SRBD1: variants seen among roughly 807,000 people sequenced by gnomAD.
The protein encoded by SRBD1 is S1 RNA-binding domain-containing protein 1.
Under a neutral mutation model 115.3 loss-of-function variants are expected in SRBD1, and 88 were observed. The observed-to-expected ratio is 0.76, with a 90% CI of 0.64 to 0.91. The LOEUF is 0.91. SRBD1 is among the 40% of genes least tolerant of loss of function. The probability of loss-of-function intolerance (pLI) is 0.00; values close to 1 mark genes in which losing one functional copy is unlikely to be tolerated. For missense variants in SRBD1, 1,385 were observed against 1,177.4 expected, an observed-to-expected ratio of 1.18 and a Z score of -2.58; for synonymous variants, 509 against 407.7, an observed-to-expected ratio of 1.25 and a Z score of -2.99.
intron 8 of SRBD1, 133 bp from the exon 9 acceptor site, chr2:45,573,475 G>T: frequency 9.9e-7 from 1 of 1,005,728 alleles, no homozygotes; most frequent in Non-Finnish European, 1.4e-6. Context: ...GCCCAGCTAT[G>T]AAATTGATAT....
intron 16 of SRBD1, among the ~76,000 whole-genome samples, chr2:45,422,387 C>G (rs978299996): frequency 6.6e-6 from 1 of 152,154 alleles, no homozygotes; most frequent in Non-Finnish European, 1.5e-5. Context: ...CCACCTCCCA[C>G]AGACAATGGT....
At chr2:45,453,269 A>G (rs76160705) in intron 16 of SRBD1, among the ~76,000 whole-genome samples, 1 of 53,690 alleles carries the variant, frequency 1.9e-5, no homozygotes, top group Admixed American at 1.4e-4. Flanking sequence ...TGCTATAAGG[A>G]AAAAAAAAAA....
chr2:45,410,996 T>C (rs1268311633), intron 19 of SRBD1, among the ~76,000 whole-genome samples: 1 of 152,184 alleles, frequency 6.6e-6, no homozygotes, highest in African/African-American at 2.4e-5. Flanking sequence ...TAAGTAGATG[T>C]TTCCCTGAGT....
At chr2:45,480,770 T>C (rs1439975160) in intron 15 of SRBD1, among the ~76,000 whole-genome samples, 2 of 152,092 alleles carry the variant, frequency 1.3e-5, no homozygotes, top group Non-Finnish European at 2.9e-5. Context: ...CTACTGAATG[T>C]AAAAGGCTAC....
At chr2:45,429,379 G>A (rs989673604) in intron 16 of SRBD1, among the ~76,000 whole-genome samples, 16 of 151,382 alleles carry the variant, frequency 1.1e-4, no homozygotes, top group African/African-American at 3.2e-4. Context: ...GATGAACATC[G>A]ATGCAAAAAT....
Position 45,585,726 on chromosome 2 carries a change from T to C in SRBD1, c.697A>G (p.Ile233Val), listed in dbSNP as rs1489179397. 2 of 1,611,850 alleles carry C rather than the reference T, an allele frequency of 1.2e-6. No homozygotes were observed. Among genetic ancestry groups the C allele is most frequent in the Admixed American group, 3.4e-5 (2 of 59,624 alleles). ...GTGTTATCATCATTAAAGAGACGAA[T>C]GATGTTGGCACAAACCCAAGGTTCA... ...NIEPWVCANI[I>V]RLFNDDNTIP... The change falls in exon 5 of 21, where the codon ATT becomes GTT. Residue 233 changes from isoleucine to valine, a missense_variant. Ile to Val is a conservative substitution (Grantham distance 29). Coordinates refer to ENST00000263736, the MANE Select transcript of SRBD1 (RefSeq NM_018079.5).
intron 11 of SRBD1, 32 bp downstream of exon 11, chr2:45,553,591 G>C (rs367688549): frequency 2.0e-4 from 281 of 1,412,666 alleles, no homozygotes; most frequent in Non-Finnish European, 2.6e-4. Context: ...ACAATAATCA[G>C]TACACAAAAT....
chr2:45,563,664 T>C (rs527757529), intron 9 of SRBD1, among the ~76,000 whole-genome samples: 41 of 152,098 alleles, frequency 2.7e-4, no homozygotes, highest in African/African-American at 8.9e-4. Context: ...TTATAAGAGA[T>C]ACCATGAGCA....
At chr2:45,554,106 G>T (rs150631155) in intron 10 of SRBD1, among the ~76,000 whole-genome samples, 119 of 152,256 alleles carry the variant, frequency 7.8e-4, no homozygotes, top group African/African-American at 2.8e-3. Flanking sequence ...TGAAGATGGG[G>T]CTTTTGGGGG....
intron 16 of SRBD1, among the ~76,000 whole-genome samples, chr2:45,473,344 G>A (rs1669707943): frequency 6.6e-6 from 1 of 151,962 alleles, no homozygotes; most frequent in Non-Finnish European, 1.5e-5. Flanking sequence ...GAACTGATCT[G>A]ATCTAGACTT....
intron 4 of SRBD1, among the ~76,000 whole-genome samples, chr2:45,590,259 C>T (rs973138000): frequency 1.3e-5 from 2 of 152,316 alleles, no homozygotes; most frequent in South Asian, 2.1e-4. Flanking sequence ...CATTCCTAGG[C>T]GTACGCTGAA....
chr2:45,490,786 T>C (rs1027450903), intron 14 of SRBD1, among the ~76,000 whole-genome samples: 1 of 152,108 alleles, frequency 6.6e-6, no homozygotes, highest in Non-Finnish European at 1.5e-5. Context: ...TTCCTCCAAA[T>C]ACCATACTGC....
intron 4 of SRBD1, among the ~76,000 whole-genome samples, chr2:45,587,907 T>C (rs1305657859): frequency 6.6e-6 from 1 of 152,188 alleles, no homozygotes; most frequent in African/African-American, 2.4e-5. Flanking sequence ...CTCCTCTACT[T>C]TTACCCATAT....
Position 45,389,359 on chromosome 2 carries a change from A to AT in SRBD1, c.2938dup (p.Ile980AsnfsTer2). 1 of 1,614,076 alleles carries AT rather than the reference A, an allele frequency of 6.2e-7. No individual in the cohort carries two copies. The highest frequency in any genetic ancestry group is 8.5e-7 in the Non-Finnish European group (1 of 1,179,950). On this transcript the variant is annotated frameshift_variant, in exon 21 of 21. Transcript: ENST00000263736. LOFTEE classifies it high-confidence loss of function. The stretch of plus-strand genomic sequence containing the variant: ...AGTAATCCTAGATCGGGGGATGTCA[A>AT]TGTTGAGTACTTGGACTTCCACTCT...
At chr2:45,419,619 C>A (rs963848079) in intron 17 of SRBD1, among the ~76,000 whole-genome samples, 169 bp downstream of exon 17, 3 of 152,204 alleles carry the variant, frequency 2.0e-5, no homozygotes, top group Non-Finnish European at 4.4e-5. Flanking sequence ...TGTTATAATT[C>A]TTTTCTTAAA....
At chr2:45,506,445 G>C (rs1295990900) in intron 14 of SRBD1, among the ~76,000 whole-genome samples, 1 of 152,120 alleles carries the variant, frequency 6.6e-6, no homozygotes, top group Non-Finnish European at 1.5e-5. Flanking sequence ...GAAGTATCTA[G>C]AACAGGTATG....
chr2:45,471,599 A>T (rs1045844232), intron 16 of SRBD1, among the ~76,000 whole-genome samples: 1 of 152,170 alleles, frequency 6.6e-6, no homozygotes, highest in South Asian at 2.1e-4. Flanking sequence ...TTTGCTAGAA[A>T]TAGTAATTTA....
chr2:45,397,417 G>T (rs1572591176), intron 19 of SRBD1, among the ~76,000 whole-genome samples: 2 of 151,974 alleles, frequency 1.3e-5, no homozygotes, highest in South Asian at 4.2e-4. Flanking sequence ...TTCAAGTGTG[G>T]CAAACGAGGA....
intron 5 of SRBD1, among the ~76,000 whole-genome samples, chr2:45,582,343 T>C (rs1043447538): frequency 3.9e-5 from 6 of 152,200 alleles, no homozygotes; most frequent in Non-Finnish European, 5.9e-5. Flanking sequence ...ATCATAGAAG[T>C]CATACTGTGT....
Sources: allele counts gnomAD v4.1 joint callset (sites outside exome capture counted in the v4.1 genomes callset), GRCh38; gene constraint gnomAD v4.1.1; transcripts MANE v1.5; gene names NCBI Gene and HGNC (gene_info 2026-07-23, HGNC 2026-07-21).